Variants in NTM observed in about 807,000 individuals in gnomAD.
NTM encodes IgLON family member 2.
Under a neutral mutation model 42.1 loss-of-function variants are expected in NTM, and 13 were observed. That is an observed-to-expected ratio of 0.31 (90% CI 0.20 to 0.49). The LOEUF is 0.49. Ranked by LOEUF, NTM falls within the 20% of genes least tolerant of loss-of-function variation. The probability of loss-of-function intolerance (pLI) is 0.99; values close to 1 mark genes in which losing one functional copy is unlikely to be tolerated. For missense variants in NTM, 373 were observed against 452.8 expected, an observed-to-expected ratio of 0.82 and a Z score of 1.60; for synonymous variants, 187 against 179.2, an observed-to-expected ratio of 1.04 and a Z score of -0.35.
intron 1 of NTM, among the ~76,000 whole-genome samples, chr11:131,832,842 G>A (rs1037366246): frequency 6.6e-6 from 1 of 152,140 alleles, no homozygotes; most frequent in Non-Finnish European, 1.5e-5. Flanking sequence ...ATATAGACAA[G>A]GGCGCTTTAA....
intron 1 of NTM, among the ~76,000 whole-genome samples, chr11:131,682,602 G>T (rs1463815430): frequency 6.6e-6 from 1 of 152,230 alleles, no homozygotes; most frequent in East Asian, 1.9e-4. Context: ...AAGTAGAGGA[G>T]CCCAGCATGA....
rs540255876 is a variant in NTM at position 131,629,018 on chromosome 11, G to A, written c.82+258130G>A. On this transcript the variant is annotated intron_variant, in intron 1 of 8. Transcript: ENST00000683400. ...TGGTGTGGGTGGGGACCAAGTTGAA[G>A]GAATCGGCAATAAGCCGTGTCTGTC... Among the ~76,000 whole-genome samples the A allele has an allele frequency of 5.3e-5, 8 of 152,356 alleles. No individual in the cohort carries two copies. In the South Asian group the frequency reaches 1.7e-3, roughly 32 times the overall value.
Position 131,941,222 on chromosome 11 carries a change from A to G in NTM, c.167+29574A>G, listed in dbSNP as rs554648941. On this transcript the variant is annotated intron_variant, in intron 2 of 8. Coordinates refer to ENST00000683400, the MANE Select transcript of NTM (RefSeq NM_001352005.2). Reference sequence around the variant, plus strand: ...TTCAATATTGTGTTTGTGTGGCTCTATTTTCTAAGAGCAACAGAGTAGAAA... The same window carrying G: ...TTCAATATTGTGTTTGTGTGGCTCTGTTTTCTAAGAGCAACAGAGTAGAAA... Among the ~76,000 whole-genome samples the G allele has an allele frequency of 3.9e-5, 6 of 152,246 alleles. No homozygotes were observed. The South Asian group carries it at 8.3e-4, about 21-fold the overall frequency.
intron 4 of NTM, among the ~76,000 whole-genome samples, chr11:132,283,946 C>T (rs1310598345): frequency 1.3e-5 from 2 of 152,180 alleles, no homozygotes; most frequent in Non-Finnish European, 2.9e-5. Flanking sequence ...CCATCCCGCC[C>T]TTTTCCTGGC....
intron 1 of NTM, among the ~76,000 whole-genome samples, chr11:131,715,880 T>C (rs1056419860): frequency 2.6e-5 from 4 of 152,240 alleles, no homozygotes; most frequent in East Asian, 1.9e-4. Context: ...ATATATCATG[T>C]GTTTATGCAT....
At chr11:132,195,151 A>G (rs998892059) in intron 3 of NTM, among the ~76,000 whole-genome samples, 2 of 151,996 alleles carry the variant, frequency 1.3e-5, no homozygotes, top group African/African-American at 4.8e-5. Flanking sequence ...CTACACCAAT[A>G]ACTTCCAAGC....
At chr11:131,381,184 A>G (rs1942629171) in intron 1 of NTM, among the ~76,000 whole-genome samples, 1 of 152,230 alleles carries the variant, frequency 6.6e-6, no homozygotes, top group Non-Finnish European at 1.5e-5. Context: ...GAATGGGGAC[A>G]GGGAAGGTTG....
At chr11:132,055,272 A>G (rs61901975) in intron 2 of NTM, among the ~76,000 whole-genome samples, 9,037 of 152,158 alleles carry the variant, frequency 0.059, 304 homozygotes, top group South Asian at 0.16. Flanking sequence ...ACTCACCTCC[A>G]TGTTTCACCT....
chr11:131,888,216 G>A (rs1004830784), intron 1 of NTM, among the ~76,000 whole-genome samples: 7 of 152,160 alleles, frequency 4.6e-5, no homozygotes, highest in Non-Finnish European at 8.8e-5. Flanking sequence ...CAGGAGAATC[G>A]CTTGAACCCG....
intron 4 of NTM, among the ~76,000 whole-genome samples, chr11:132,224,572 T>G (rs1868534): frequency 0.48 from 73,090 of 152,016 alleles, 17,952 homozygotes; most frequent in Middle Eastern, 0.59. Context: ...GATTTCAGCT[T>G]CAACCTGTGT....
intron 1 of NTM, among the ~76,000 whole-genome samples, chr11:131,676,326 G>A (rs969811787): frequency 1.3e-5 from 2 of 152,220 alleles, no homozygotes; most frequent in African/African-American, 4.8e-5. Context: ...CTGATGGACA[G>A]AAGTTATTTG....
rs2090249216 is a variant in NTM, at chr11:131,789,543, AAGAAAAGAAGAAGAAG to A, written c.83-122019_83-122004del. ...GAAGAAGAAGAAGAAGAAGAAGAAG[AAGAAAAGAAGAAGAAG>A]AAGAAGAAGAAGAAGAAGAAGAAGA... On this transcript the variant is annotated intron_variant, in intron 1 of 8. Coordinates refer to ENST00000683400, the MANE Select transcript of NTM (RefSeq NM_001352005.2). 4.0e-4 allele frequency among the ~76,000 whole-genome samples: 10 copies of A among 25,280 alleles called. 4 individuals are homozygous for A. Among genetic ancestry groups the A allele is most frequent in the Admixed American group, 1.1e-3 (2 of 1,868 alleles). The allele number at this position is 25,280 out of a possible 152,430, so 16.6% of individuals were successfully genotyped here. A position where few individuals can be genotyped will look rare whatever the true frequency, so the allele number is the denominator to read the frequency against.
At chr11:132,116,295 A>C (rs2063882562) in intron 2 of NTM, among the ~76,000 whole-genome samples, 1 of 152,210 alleles carries the variant, frequency 6.6e-6, no homozygotes, top group South Asian at 2.1e-4. Context: ...CAATCCAGCA[A>C]GTGCTAGGAC....
At chr11:132,205,807 C>T (rs552097264) in intron 3 of NTM, among the ~76,000 whole-genome samples, 41 of 152,278 alleles carry the variant, frequency 2.7e-4, no homozygotes, top group African/African-American at 7.9e-4. Context: ...CCCAGACCTC[C>T]GATCCTCTGA....
chr11:131,573,781 A>C (rs2057677733), intron 1 of NTM, among the ~76,000 whole-genome samples: 1 of 152,122 alleles, frequency 6.6e-6, no homozygotes, highest in East Asian at 1.9e-4. Flanking sequence ...TCTCTTGAAG[A>C]GTGAGAAACT....
chr11:132,157,745 T>G (rs1165666359), intron 3 of NTM, among the ~76,000 whole-genome samples: 1 of 152,198 alleles, frequency 6.6e-6, no homozygotes, highest in Non-Finnish European at 1.5e-5. Context: ...AATTCTAGCC[T>G]TCTTTCCTGA....
intron 1 of NTM, among the ~76,000 whole-genome samples, chr11:131,725,418 C>T (rs2078842093): frequency 6.6e-6 from 1 of 152,026 alleles, no homozygotes. Flanking sequence ...GGAAGGGTAG[C>T]CTTGGTGAGG....
At chr11:131,907,014 C>T (rs934263487) in intron 1 of NTM, among the ~76,000 whole-genome samples, 11 of 152,212 alleles carry the variant, frequency 7.2e-5, no homozygotes, top group Non-Finnish European at 1.3e-4. Context: ...CAGATTTACA[C>T]ATCCTTTTCT....
At chr11:132,104,944 T>TGC (rs1463703022) in intron 2 of NTM, among the ~76,000 whole-genome samples, 2 of 20,232 alleles carry the variant, frequency 9.9e-5, no homozygotes, top group Non-Finnish European at 1.9e-4. Context: ...TATGTATATA[T>TGC]ATATATATAT....
Sources: allele counts gnomAD v4.1 joint callset (sites outside exome capture counted in the v4.1 genomes callset), GRCh38; gene constraint gnomAD v4.1.1; transcripts MANE v1.5; gene names NCBI Gene and HGNC (gene_info 2026-07-23, HGNC 2026-07-21).